CSE1L: variants seen among roughly 807,000 people sequenced by gnomAD.
CSE1L encodes the protein chromosome segregation 1 like.
In CSE1L, 24 loss-of-function variants were observed where a neutral mutation model predicts 120.4. The ratio of observed to expected loss-of-function variants is 0.20; its 90% CI spans 0.14 to 0.28. The LOEUF is 0.28. Ranked by LOEUF, CSE1L falls within the 10% of genes least tolerant of loss-of-function variation. The pLI, the probability that CSE1L is intolerant of heterozygous loss-of-function variation, is 1.00. For missense variants in CSE1L, 830 were observed against 1,145.2 expected (o/e 0.72, Z 3.97); for synonymous variants, 402 against 398.3 (o/e 1.01, Z -0.11).
intron 8 of CSE1L, among the ~76,000 whole-genome samples, chr20:49,070,923 CAG>C (rs1197338547): frequency 1.3e-5 from 2 of 152,172 alleles, no homozygotes; most frequent in Non-Finnish European, 2.9e-5. Flanking sequence ...GCCTGGGAGA[CAG>C]AGGGAGACCT....
At chr20:49,084,286 T>TA in intron 15 of CSE1L, 124 bp downstream of exon 15, 1 of 1,001,850 alleles carries the variant, frequency 1.0e-6, no homozygotes, top group Non-Finnish European at 1.4e-6. Context: ...TATTCCTTTA[T>TA]ACTCTGTTTC....
intron 14 of CSE1L, among the ~76,000 whole-genome samples, chr20:49,078,859 T>G (rs1260504172): frequency 6.6e-6 from 1 of 152,226 alleles, no homozygotes; most frequent in Non-Finnish European, 1.5e-5. Flanking sequence ...TGATTGTGTC[T>G]TAAGTCTCTT....
chr20:49,084,281 CT>C (rs2092036670), intron 15 of CSE1L, 119 bp downstream of exon 15: 4 of 1,028,812 alleles, frequency 3.9e-6, no homozygotes, highest in Non-Finnish European at 5.6e-6. Context: ...CTTTCTATTC[CT>C]TTATACTCTG....
Position 49,078,596 on chromosome 20 carries a change from A to G in CSE1L, c.1456A>G (p.Lys486Glu). ...EFPVLKADGI[K>E]YIMIFRNQVP... is the part of the protein sequence containing the mutation. ...TCCTGTCCTTAAAGCTGACGGTATC[A>G]AATATATTATGATTTTTAGAAATCA... The change falls in exon 14 of 25, where the codon AAA becomes GAA. Residue 486 changes from lysine to glutamate, a missense_variant. Around this residue, in one of 4 missense-constraint regions of CSE1L, gnomAD observed 543 missense variants for 640.2 expected, o/e 0.85. Coordinates refer to ENST00000262982, the MANE Select transcript of CSE1L (RefSeq NM_001316.4). 1 of 1,572,152 alleles carries G rather than the reference A, an allele frequency of 6.4e-7. No homozygotes were observed.
intron 2 of CSE1L, 49 bp from the exon 3 acceptor site, chr20:49,063,153 G>A (rs753767865): frequency 3.3e-6 from 4 of 1,204,146 alleles, no homozygotes; most frequent in Non-Finnish European, 4.6e-6. Context: ...ATATATATAA[G>A]GTGGAAAGAT....
chr20:49,048,365 C>T (rs1224646971), intron 1 of CSE1L, among the ~76,000 whole-genome samples: 4 of 152,102 alleles, frequency 2.6e-5, no homozygotes, highest in South Asian at 4.2e-4. Context: ...CATTTAATAA[C>T]TTTATTGAGC....
intron 2 of CSE1L, among the ~76,000 whole-genome samples, chr20:49,062,605 CTT>C (rs1256742863): frequency 1.3e-5 from 2 of 152,002 alleles, no homozygotes; most frequent in South Asian, 2.1e-4. Context: ...TGCACTAAAA[CTT>C]TCAGTAGTGA....
At chr20:49,079,138 T>A (rs778119303) in intron 14 of CSE1L, among the ~76,000 whole-genome samples, 30 of 151,336 alleles carry the variant, frequency 2.0e-4, no homozygotes, top group Non-Finnish European at 3.8e-4. Context: ...GGTGATCTGT[T>A]CACCTCGGCC....
At position 49,072,349 on chromosome 20, in the gene CSE1L, T is replaced by C. The variant is rs768198533; in HGVS notation, c.832T>C (p.Tyr278His). The C allele has an allele frequency of 6.2e-7, 1 of 1,614,212 alleles. No homozygotes were observed. Among genetic ancestry groups the C allele is most frequent in the Non-Finnish European group, 8.5e-7 (1 of 1,180,032 alleles). Residue 278 changes from tyrosine to histidine, a missense_variant, in exon 9 of 25, where the codon TAT becomes CAT. Around this residue, in one of 4 missense-constraint regions of CSE1L, gnomAD observed 543 missense variants for 640.2 expected, o/e 0.85. Transcript: ENST00000262982. ...KSQICDNAAL[Y>H]AQKYDEEFQR... ...CCAGATTTGTGATAATGCCGCACTC[T>C]ATGCACAAAAGTACGATGAAGAATT... is the stretch of plus-strand genomic sequence containing the variant.
intron 3 of CSE1L, among the ~76,000 whole-genome samples, chr20:49,064,516 C>T (rs563878400): frequency 6.6e-6 from 1 of 152,038 alleles, no homozygotes; most frequent in African/African-American, 2.4e-5. Flanking sequence ...TCAAGACCAG[C>T]TTGGGCAATA....
rs1358923225 is a variant in CSE1L, at chr20:49,078,554, T to TA, written c.1421-6dup. On this transcript the variant is annotated splice_region_variant and splice_polypyrimidine_tract_variant and intron_variant, in intron 13 of 24. Transcript: ENST00000262982. ...AAGTAACTGTGGCTTTCTGTTTTTT[T>TA]ATATAGTGAATGAATTTCCTGTCCT... The TA allele has an allele frequency of 6.4e-7, 1 of 1,564,644 alleles. No individual in the cohort carries two copies. The highest frequency in any genetic ancestry group is 1.4e-5 in the African/African-American group (1 of 72,828).
chr20:49,075,399 T>C lies in CSE1L; in HGVS notation c.1214T>C (p.Phe405Ser). 1.2e-6 allele frequency: 2 copies of C among 1,614,140 alleles called. No homozygotes were observed. The highest frequency in any genetic ancestry group is 1.7e-6 in the Non-Finnish European group (2 of 1,180,000). ...TTTGAGGGACCTGTGACAGGAATCT[T>C]CTCTGGTTATGTTAATTCCATGCTG... Reference protein sequence around the residue: ...KFFEGPVTGIFSGYVNSMLQE... With the variant: ...KFFEGPVTGISSGYVNSMLQE... The change falls in exon 12 of 25, where the codon TTC becomes TCC. Residue 405 changes from phenylalanine (F) to serine (S), a missense_variant. By Grantham distance (155) the Phe-to-Ser change is radical (BLOSUM62 -2). Around this residue, in one of 4 missense-constraint regions of CSE1L, gnomAD observed 543 missense variants for 640.2 expected, o/e 0.85. Transcript: ENST00000262982.
intron 3 of CSE1L, among the ~76,000 whole-genome samples, chr20:49,064,297 G>C (rs147781464): frequency 6.6e-6 from 1 of 152,324 alleles, no homozygotes; most frequent in East Asian, 1.9e-4. Flanking sequence ...TATCTAAAAA[G>C]TCAACTTTAA....
chr20:49,092,909 AAC>A (rs1269148765), intron 22 of CSE1L, among the ~76,000 whole-genome samples: 2 of 152,204 alleles, frequency 1.3e-5, no homozygotes, highest in Non-Finnish European at 2.9e-5. Context: ...TGCTAATGCA[AAC>A]ACAGCAGAAT....
At chr20:49,090,151 G>T (rs946117560) in intron 19 of CSE1L, among the ~76,000 whole-genome samples, 5 of 151,728 alleles carry the variant, frequency 3.3e-5, no homozygotes, top group Non-Finnish European at 7.4e-5. Context: ...TAATAATAAC[G>T]GAAATAATTA....
intron 3 of CSE1L, among the ~76,000 whole-genome samples, chr20:49,065,775 G>GT (rs1407580737): frequency 6.8e-6 from 1 of 147,384 alleles, no homozygotes; most frequent in Non-Finnish European, 1.5e-5. Context: ...TGTATGTTTA[G>GT]TAGAGACATG....
chr20:49,053,468 C>G lies in CSE1L; in HGVS notation c.-11-4985C>G, dbSNP rs530884184. ...TTGCCTCCCAGGTTCAAGCAATTCT[C>G]CTGCCTCAGCCTCCCAAGTAGCTGG... On this transcript the variant is annotated intron_variant, in intron 1 of 24. Coordinates refer to ENST00000262982, the MANE Select transcript of CSE1L (RefSeq NM_001316.4). Among the ~76,000 whole-genome samples the G allele has an allele frequency of 2.7e-5, 4 of 146,986 alleles. No homozygotes were observed. In the South Asian group the frequency reaches 8.6e-4, roughly 32 times the overall value.
In CSE1L at chr20:49,084,113, C is replaced by T. The variant is rs957536960; in HGVS notation, c.1570C>T (p.His524Tyr). Residue 524 changes from histidine to tyrosine, a missense_variant, in exon 15 of 25, where the codon CAT becomes TAT. His to Tyr is a moderately conservative substitution (Grantham distance 83, BLOSUM62 2). Coordinates refer to ENST00000262982, the MANE Select transcript of CSE1L (RefSeq NM_001316.4). ...TATTGTTGTTCATACTTACGCAGCTCATGCTCTTGAACGGCTCTTTACTAT... is the reference window on the plus strand; with the variant it reads ...TATTGTTGTTCATACTTACGCAGCTTATGCTCTTGAACGGCTCTTTACTAT... ...ESIVVHTYAA[H>Y]ALERLFTMRG... 4.3e-6 allele frequency: 7 copies of T among 1,614,032 alleles called. No homozygotes were observed. Among genetic ancestry groups the T allele is most frequent in the African/African-American group, 1.3e-5 (1 of 74,930 alleles).
rs796356337 is a variant in CSE1L, at chr20:49,050,569, A to AT, written c.-12+4159dup. Reference sequence around the variant, plus strand: ...AGGCGCATGCCACCACGCCCGGCTAATTTTTTTTTTTTTGTATTTTTAGTA... The same window carrying AT: ...AGGCGCATGCCACCACGCCCGGCTAATTTTTTTTTTTTTTGTATTTTTAGTA... On this transcript the variant is annotated intron_variant, in intron 1 of 24. Coordinates refer to ENST00000262982, the MANE Select transcript of CSE1L (RefSeq NM_001316.4). Among the ~76,000 whole-genome samples, 1,021 of 141,720 alleles carry AT rather than the reference A, an allele frequency of 7.2e-3. 4 individuals are homozygous for AT. Among genetic ancestry groups the AT allele is most frequent in the African/African-American group, 0.018 (686 of 38,836 alleles). The allele number at this position is 141,720 out of a possible 152,430, so 93.0% of individuals were successfully genotyped here. A position where few individuals can be genotyped will look rare whatever the true frequency, so the allele number is the denominator to read the frequency against.
Sources: allele counts gnomAD v4.1 joint callset (sites outside exome capture counted in the v4.1 genomes callset), GRCh38; gene constraint gnomAD v4.1.1; regional missense constraint gnomAD v4.1.1; transcripts MANE v1.5; gene names NCBI Gene and HGNC (gene_info 2026-07-23, HGNC 2026-07-21).